The following MPP7 variants were observed in gnomAD, a reference collection of about 807,000 sequenced individuals.
MPP7 encodes the protein MAGUK p55 subfamily member 7.
In MPP7, 60 loss-of-function variants were observed where a neutral mutation model predicts 76.5. The observed-to-expected ratio is 0.78, with a 90% CI of 0.64 to 0.97. The LOEUF (loss-of-function observed/expected upper bound fraction) is 0.97, where lower values mean the gene tolerates loss of function less well. Ranked by LOEUF, MPP7 falls within the 50% of genes least tolerant of loss-of-function variation. The pLI is 0.00. For missense variants in MPP7, 641 were observed against 694.0 expected (o/e 0.92, Z 0.86); for synonymous variants, 237 against 244.5 (o/e 0.97, Z 0.29).
intron 2 of MPP7, among the ~76,000 whole-genome samples, chr10:28,313,627 G>T (rs181895853): frequency 1.1e-4 from 16 of 152,226 alleles, no homozygotes; most frequent in East Asian, 5.8e-4. Context: ...TAATATCCCC[G>T]CAGAGAAGAA....
intron 3 of MPP7, among the ~76,000 whole-genome samples, chr10:28,167,309 T>C (rs1588876455): frequency 1.3e-5 from 1 of 74,132 alleles, no homozygotes; most frequent in African/African-American, 5.2e-5. Flanking sequence ...AGGCTCTGCC[T>C]CAAAAAAACA....
intron 2 of MPP7, among the ~76,000 whole-genome samples, chr10:28,315,382 G>A (rs1834311619): frequency 6.6e-6 from 1 of 151,632 alleles, no homozygotes; most frequent in South Asian, 2.1e-4. Flanking sequence ...GGAAGAGAGG[G>A]AGGGAGGGAA....
chr10:28,327,624 A>G (rs1834429876), intron 2 of MPP7, among the ~76,000 whole-genome samples: 1 of 152,174 alleles, frequency 6.6e-6, no homozygotes, highest in African/African-American at 2.4e-5. Flanking sequence ...TCTAGCTCCT[A>G]TTGTTCCAGC....
chr10:28,228,030 C>T (rs911616800), intron 2 of MPP7, among the ~76,000 whole-genome samples: 22 of 152,076 alleles, frequency 1.4e-4, no homozygotes, highest in African/African-American at 4.8e-4. Flanking sequence ...AACTACTTGC[C>T]CAACAATCTT....
At chr10:28,311,961 A>G (rs1270663325) in intron 2 of MPP7, among the ~76,000 whole-genome samples, 3 of 152,134 alleles carry the variant, frequency 2.0e-5, no homozygotes, top group African/African-American at 7.2e-5. Context: ...AAAAAAGATC[A>G]ATTTTTTTTC....
intron 2 of MPP7, among the ~76,000 whole-genome samples, chr10:28,320,391 A>G (rs760979129): frequency 7.4e-6 from 1 of 134,978 alleles, no homozygotes; most frequent in Non-Finnish European, 1.6e-5. Context: ...TAAAATCAAT[A>G]GAAGTTACTG....
chr10:28,199,451 A>C (rs1440424068), intron 3 of MPP7, among the ~76,000 whole-genome samples: 2 of 152,068 alleles, frequency 1.3e-5, no homozygotes, highest in East Asian at 3.9e-4. Context: ...TTTAGTGACA[A>C]GCTCCCAGCC....
At chr10:28,100,335 C>T (rs1853767860) in intron 11 of MPP7, among the ~76,000 whole-genome samples, 1 of 151,894 alleles carries the variant, frequency 6.6e-6, no homozygotes, top group South Asian at 2.1e-4. Context: ...TCATTATATG[C>T]CAATCATAAA....
At chr10:28,207,588 G>A (rs1837990238) in intron 2 of MPP7, among the ~76,000 whole-genome samples, 1 of 152,034 alleles carries the variant, frequency 6.6e-6, no homozygotes. Context: ...AGGAGGCTGA[G>A]GCAGGAGAAT....
Position 28,134,699 on chromosome 10 carries a change from A to C in MPP7, c.316-3008T>G, listed in dbSNP as rs192386852. On this transcript the variant is annotated intron_variant, in intron 5 of 16. Transcript: ENST00000683449. ...GAAGCCTGATATATCCTTTAGGAACAAGGAAAGATAAAAAGAAACCTATGC... is the reference window on the plus strand; with the variant it reads ...GAAGCCTGATATATCCTTTAGGAACCAGGAAAGATAAAAAGAAACCTATGC... 7.2e-5 allele frequency among the ~76,000 whole-genome samples: 11 copies of C among 152,294 alleles called. No individual in the cohort carries two copies. In the East Asian group the frequency reaches 2.1e-3, roughly 29 times the overall value.
At chr10:28,331,392 A>T (rs1182580965) in intron 1 of MPP7, among the ~76,000 whole-genome samples, 3 of 152,180 alleles carry the variant, frequency 2.0e-5, no homozygotes, top group Non-Finnish European at 4.4e-5. Flanking sequence ...AATTATAAGT[A>T]TGAATTATGA....
intron 16 of MPP7, among the ~76,000 whole-genome samples, chr10:28,055,233 C>T (rs1046798887): frequency 2.6e-5 from 4 of 152,036 alleles, no homozygotes; most frequent in Non-Finnish European, 4.4e-5. Flanking sequence ...TTCACAATAA[C>T]AGAAAATTTA....
intron 5 of MPP7, among the ~76,000 whole-genome samples, chr10:28,133,308 T>C (rs1418250038): frequency 6.6e-6 from 1 of 152,192 alleles, no homozygotes; most frequent in Non-Finnish European, 1.5e-5. Flanking sequence ...TCCATTGGGA[T>C]GACCAAACTC....
chr10:28,333,293 C>T (rs561245546), intron 1 of MPP7, among the ~76,000 whole-genome samples: 2 of 152,182 alleles, frequency 1.3e-5, no homozygotes, highest in South Asian at 2.1e-4. Context: ...TTACAGGCAC[C>T]CGCCACCACA....
At chr10:28,251,636 T>C (rs1839616906) in intron 1 of MPP7, among the ~76,000 whole-genome samples, 1 of 152,116 alleles carries the variant, frequency 6.6e-6, no homozygotes, top group Admixed American at 6.6e-5. Context: ...TTAAAGAAAG[T>C]ATCTTCATTG....
At chr10:28,228,622 C>G (rs1444237257) in intron 2 of MPP7, among the ~76,000 whole-genome samples, 1 of 151,832 alleles carries the variant, frequency 6.6e-6, no homozygotes, top group Non-Finnish European at 1.5e-5. Context: ...AAAAATTAGC[C>G]GGGTGTGGTG....
chr10:28,198,583 TAA>T (rs34071650), intron 3 of MPP7, among the ~76,000 whole-genome samples: 95 of 145,236 alleles, frequency 6.5e-4, no homozygotes, highest in Admixed American at 8.8e-4. Context: ...TCAGAGAATT[TAA>T]AAAAAAAAAA....
At chr10:28,065,220 T>C (rs539732971) in intron 13 of MPP7, among the ~76,000 whole-genome samples, 1 of 152,312 alleles carries the variant, frequency 6.6e-6, no homozygotes, top group Admixed American at 6.5e-5. Context: ...CTGCAACACA[T>C]GGTTGAAAGA....
At chr10:28,132,941 C>T (rs78339010) in intron 5 of MPP7, among the ~76,000 whole-genome samples, 3,040 of 150,298 alleles carry the variant, frequency 0.02, 96 homozygotes, top group African/African-American at 0.069. Flanking sequence ...TAAAGGTTTT[C>T]TTTTCTCCAC....
Sources: allele counts gnomAD v4.1 joint callset (sites outside exome capture counted in the v4.1 genomes callset), GRCh38; gene constraint gnomAD v4.1.1; transcripts MANE v1.5; gene names NCBI Gene and HGNC (gene_info 2026-07-23, HGNC 2026-07-21).